TFIP11: variants seen among roughly 807,000 people sequenced by gnomAD.
The protein encoded by TFIP11 is tuftelin interacting protein 11.
A neutral mutation model predicts 96.8 loss-of-function variants in TFIP11; 86 were observed. That is an observed-to-expected ratio of 0.89 (90% confidence interval 0.75 to 1.06). The LOEUF is 1.06. TFIP11 is among the 50% of genes least tolerant of loss of function. TFIP11 has a pLI of 0.00. For synonymous variants in TFIP11, 405 were observed against 395.2 expected, an observed-to-expected ratio of 1.02 and a Z score of -0.29; for missense variants, 881 against 1,076.7, an observed-to-expected ratio of 0.82 and a Z score of 2.54.
chr22:26,493,866 C>T (rs534123621), intron 14 of TFIP11: 5 of 422,142 alleles, frequency 1.2e-5, no homozygotes, highest in African/African-American at 6.1e-5. Flanking sequence ...GTTAAGAGGG[C>T]GGGGCCTGGG....
intron 11 of TFIP11, 146 bp from the exon 12 acceptor site, chr22:26,496,462 G>T: frequency 1.7e-6 from 2 of 1,163,914 alleles, no homozygotes; most frequent in Non-Finnish European, 2.4e-6. Flanking sequence ...AAACAAATAT[G>T]CCCATCCATT....
In TFIP11 at chr22:26,506,424, T is replaced by A; in HGVS notation, c.399A>T (p.Ala133=). 1 of 1,613,064 alleles carries A rather than the reference T, an allele frequency of 6.2e-7. No homozygotes were observed. Among genetic ancestry groups the A allele is most frequent in the Non-Finnish European group, 8.5e-7 (1 of 1,179,732 alleles). The change falls in exon 6 of 15, where the codon GCA becomes GCT. Residue 133 remains alanine, a synonymous_variant. Transcript: ENST00000407690. ...GNFKPSQKGF[A]GGTKSFMDFG... ...AGTCCATGAAAGATTTGGTTCCTCC[T>A]GCAAAACCTTTCTGGCTGGGCTTAA... is the stretch of plus-strand genomic sequence containing the variant.
intron 11 of TFIP11, 148 bp from the exon 12 acceptor site, chr22:26,496,464 C>T (rs1922063148): frequency 1.7e-6 from 2 of 1,154,640 alleles, no homozygotes; most frequent in Non-Finnish European, 2.4e-6. Flanking sequence ...ACAAATATGC[C>T]CATCCATTTG....
rs1378892606 is a variant in TFIP11, at chr22:26,494,958, C to T, written c.1850-19G>A. 6.2e-7 allele frequency: 1 copy of T among 1,614,072 alleles called. No individual in the cohort carries two copies. The highest frequency in any genetic ancestry group is 2.2e-5 in the East Asian group (1 of 44,888). On this transcript the variant is annotated intron_variant, in intron 12 of 14. Coordinates refer to ENST00000407690, the MANE Select transcript of TFIP11 (RefSeq NM_012143.4). ...CACATCCCTGGAAGAGAAACCCGGT[C>T]TGTAAGGCACAGCTTTAGTACTGGC... is the stretch of plus-strand genomic sequence containing the variant.
At chr22:26,494,674 T>TCCTAC (rs1479709270) in intron 13 of TFIP11, 123 bp downstream of exon 13, 1 of 1,383,978 alleles carries the variant, frequency 7.2e-7, no homozygotes, top group African/African-American at 1.4e-5. Flanking sequence ...CCTAACTCAT[T>TCCTAC]CCTACCCTAC....
chr22:26,495,056 G>A, intron 12 of TFIP11, 117 bp from the exon 13 acceptor site: 1 of 1,373,482 alleles, frequency 7.3e-7, no homozygotes, highest in Middle Eastern at 2.1e-4. Flanking sequence ...CCGCCTCCCG[G>A]GTTCAAGTGA....
intron 14 of TFIP11, 36 bp from the exon 15 acceptor site, chr22:26,492,404 G>A: frequency 2.5e-6 from 4 of 1,592,130 alleles, no homozygotes; most frequent in South Asian, 1.1e-5. Context: ...GAGGAGAGGT[G>A]TTTCCAGGTG....
rs2147132782 is a variant in TFIP11 at position 26,499,636 on chromosome 22, G to A, written c.802-5C>T. ...CCGGCCTGTCATGTCTATGACCTTG[G>A]AAAACATAGAGGGATGAAGGTTAAC... On this transcript the variant is annotated splice_region_variant and splice_polypyrimidine_tract_variant and intron_variant, in intron 8 of 14. Coordinates refer to ENST00000407690, the MANE Select transcript of TFIP11 (RefSeq NM_012143.4). The A allele has an allele frequency of 6.2e-7, 1 of 1,602,390 alleles. No individual in the cohort carries two copies. Among genetic ancestry groups the A allele is most frequent in the East Asian group, 2.2e-5 (1 of 44,776 alleles).
chr22:26,509,859 A>C (rs1471310837), intron 4 of TFIP11, among the ~76,000 whole-genome samples: 2 of 152,208 alleles, frequency 1.3e-5, no homozygotes, highest in Non-Finnish European at 2.9e-5. Flanking sequence ...GTGTCTCAAA[A>C]AAAATAATAA....
chr22:26,494,971 C>T (rs780731898), intron 12 of TFIP11, 32 bp from the exon 13 acceptor site: 1 of 1,612,622 alleles, frequency 6.2e-7, no homozygotes, highest in Non-Finnish European at 8.5e-7. Context: ...TAAGGCACAG[C>T]TTTAGTACTG....
In TFIP11 at chr22:26,491,883, G is replaced by A; in HGVS notation, c.*130C>T. 1 of 1,031,784 alleles carries A rather than the reference G, an allele frequency of 9.7e-7. No homozygotes were observed. The highest frequency in any genetic ancestry group is 1.4e-6 in the Non-Finnish European group (1 of 717,260). The allele number at this position is 1,031,784 out of a possible 1,614,324, so 63.9% of individuals were successfully genotyped here. ...GTCCCATTTTACATCCTTCCCTCAT[G>A]ACCTGGCCTGATGTGGAGTAGCTCC... On this transcript the variant is annotated 3_prime_UTR_variant, in exon 15 of 15. Transcript: ENST00000407690.
chr22:26,501,261 A>G (rs1232954708), intron 8 of TFIP11, among the ~76,000 whole-genome samples: 1 of 152,174 alleles, frequency 6.6e-6, no homozygotes, highest in Admixed American at 6.5e-5. Flanking sequence ...AAAATACTCA[A>G]TGCTGGCTAA....
intron 10 of TFIP11, among the ~76,000 whole-genome samples, chr22:26,498,541 C>CAAAAA (rs10716815): frequency 1.2e-5 from 1 of 83,582 alleles, no homozygotes; most frequent in Admixed American, 1.3e-4. Context: ...GACTCCATCT[C>CAAAAA]AAAAAAAAAA....
At position 26,492,298 on chromosome 22, in the gene TFIP11, G is replaced by A. The variant is rs201235822; in HGVS notation, c.2229C>T (p.Phe743=). 1.2e-6 allele frequency: 2 copies of A among 1,614,188 alleles called. No homozygotes were observed. Among genetic ancestry groups the A allele is most frequent in the Non-Finnish European group, 1.7e-6 (2 of 1,180,026 alleles). Residue 743 remains phenylalanine, a synonymous_variant, in exon 15 of 15, where the codon TTC becomes TTT. Coordinates refer to ENST00000407690, the MANE Select transcript of TFIP11 (RefSeq NM_012143.4). ...GCCTCTCCTGCATGGCCTCGTACTG[G>A]AAGTCCTTCCTCCGCTCCGTGTGGG... ...YLTHTERRKD[F]QYEAMQERRE... is the part of the protein sequence containing the mutation.
chr22:26,498,412 G>A (rs374230668), intron 10 of TFIP11, among the ~76,000 whole-genome samples: 5 of 152,174 alleles, frequency 3.3e-5, no homozygotes, highest in South Asian at 2.1e-4. Flanking sequence ...GCGTGGTGGC[G>A]TGTGCCTGTG....
At chr22:26,494,417 T>A in intron 13 of TFIP11, 113 bp from the exon 14 acceptor site, 1 of 1,248,282 alleles carries the variant, frequency 8.0e-7, no homozygotes, top group Non-Finnish European at 1.2e-6. Context: ...TGACACTACT[T>A]TACAGGGATT....
intron 10 of TFIP11, among the ~76,000 whole-genome samples, chr22:26,497,739 G>A (rs1922236332): frequency 6.6e-6 from 1 of 152,154 alleles, no homozygotes; most frequent in Admixed American, 6.5e-5. Flanking sequence ...AGCTGGGCAT[G>A]GTGGCGAGCG....
At chr22:26,506,603 G>A (rs1420075390) in intron 5 of TFIP11, 144 bp from the exon 6 acceptor site, 31 of 1,294,962 alleles carry the variant, frequency 2.4e-5, no homozygotes, top group Non-Finnish European at 3.1e-5. Context: ...GTGATAACGT[G>A]TCAGGAAGGA....
At chr22:26,507,538 G>C (rs1357787493) in intron 4 of TFIP11, among the ~76,000 whole-genome samples, 2 of 151,712 alleles carry the variant, frequency 1.3e-5, no homozygotes, top group African/African-American at 4.8e-5. Flanking sequence ...GCTGAGATGG[G>C]AGGATTGCTT....
Sources: gnomAD v4.1 joint callset for allele counts (sites outside exome capture counted in the v4.1 genomes callset) on GRCh38, gnomAD v4.1.1 for gene constraint, MANE v1.5 for transcripts, NCBI Gene and HGNC (gene_info 2026-07-23, HGNC 2026-07-21) for gene names.